POMT1: variants seen among roughly 807,000 people sequenced by gnomAD.
POMT1 encodes protein O-mannosyltransferase 1.
In POMT1, 85 loss-of-function variants were observed where a neutral mutation model predicts 101.6. That is an observed-to-expected ratio of 0.84 (90% confidence interval 0.70 to 1.00). POMT1 has a LOEUF of 1.00. POMT1 is among the 50% of genes least tolerant of loss of function. The pLI is 0.00. For synonymous variants in POMT1, 371 were observed against 383.0 expected (o/e 0.97, Z 0.37); for missense variants, 857 against 930.4 (o/e 0.92, Z 1.03).
In POMT1 at chr9:131,522,970, T is replaced by C; in HGVS notation, c.2042T>C (p.Val681Ala). 6.2e-7 allele frequency: 1 copy of C among 1,602,450 alleles called. No individual in the cohort carries two copies. The change falls in exon 20 of 20, where the codon GTG (valine) becomes GCG (alanine). Residue 681 changes from valine (V) to alanine (A), a missense_variant. By Grantham distance (64) the Val-to-Ala change is moderately conservative. Transcript: ENST00000402686. This position sits in a 1 kb window ranked among gnomAD's most constrained non-coding sequence, Gnocchi z 5.5. ...AGGAGCATCTTCAGCGCCCTGGTGG[T>C]GGCCTGGTACTCCTCCGCGTGCCAC... The part of the protein sequence containing the change: ...LQRSIFSALV[V>A]AWYSSACHVS...
At chr9:131,521,049 G>T (rs1949823564) in intron 17 of POMT1, 1 of 425,314 alleles carries the variant, frequency 2.4e-6, no homozygotes, top group Admixed American at 3.5e-5. Flanking sequence ...CGCCACGTTG[G>T]GCAGGCTGGT....
chr9:131,509,035 G>A lies in POMT1; in HGVS notation c.539+13G>A, dbSNP rs749842555. 3 of 1,559,052 alleles carry A rather than the reference G, an allele frequency of 1.9e-6. No individual in the cohort carries two copies. The South Asian group carries it at 3.3e-5, about 17-fold the overall frequency. Reference sequence around the variant, plus strand: ...GCCAAAAGCACAGGTATGGAAAATGGAGTGTCTTCCTAGTTAACGAGAACA... The same window carrying A: ...GCCAAAAGCACAGGTATGGAAAATGAAGTGTCTTCCTAGTTAACGAGAACA... On this transcript the variant is annotated intron_variant, in intron 6 of 19. Coordinates refer to ENST00000402686, the MANE Select transcript of POMT1 (RefSeq NM_001077365.2).
At position 131,523,336 on chromosome 9, in the gene POMT1, C is replaced by A; in HGVS notation, c.*230C>A. 3.5e-6 allele frequency: 2 copies of A among 566,094 alleles called. No individual in the cohort carries two copies. Among genetic ancestry groups the A allele is most frequent in the East Asian group, 3.2e-5 (1 of 31,284 alleles). The allele number at this position is 566,094 out of a possible 1,614,324, so 35.1% of individuals were successfully genotyped here. A position where few individuals can be genotyped will look rare whatever the true frequency, so the allele number is the denominator to read the frequency against. On this transcript the variant is annotated 3_prime_UTR_variant, in exon 20 of 20. Coordinates refer to ENST00000402686, the MANE Select transcript of POMT1 (RefSeq NM_001077365.2). ...AATAAAGATATTCCGTGTCTTTACC[C>A]CTGAACTAAGACACAGGGAGTATTT...
At chr9:131,513,214 G>T in intron 11 of POMT1, 25 bp from the exon 12 acceptor site, 1 of 1,603,722 alleles carries the variant, frequency 6.2e-7, no homozygotes, top group Non-Finnish European at 8.5e-7. Flanking sequence ...GCTCTGTGTG[G>T]TCCCGACAGC....
chr9:131,512,517 C>G (rs1947339112), intron 11 of POMT1, among the ~76,000 whole-genome samples: 1 of 152,200 alleles, frequency 6.6e-6, no homozygotes, highest in South Asian at 2.1e-4. Context: ...CAAACAAGGT[C>G]TCTAGCTGTC....
In POMT1 at chr9:131,513,340, G is replaced by A. The variant is rs1158847302; in HGVS notation, c.1175+9G>A. 1 of 1,608,556 alleles carries A rather than the reference G, an allele frequency of 6.2e-7. No homozygotes were observed. Among genetic ancestry groups the A allele is most frequent in the Admixed American group, 1.7e-5 (1 of 59,802 alleles). ...ACCCGCTCCCTGAACACGTGAGTGT[G>A]CCCGCCGTCTGCTCTGCTGCACCTG... On this transcript the variant is annotated intron_variant, in intron 12 of 19. Coordinates refer to ENST00000402686, the MANE Select transcript of POMT1 (RefSeq NM_001077365.2).
At chr9:131,507,775 G>A (rs765973088) in intron 5 of POMT1, among the ~76,000 whole-genome samples, 4 of 152,164 alleles carry the variant, frequency 2.6e-5, no homozygotes, top group Non-Finnish European at 5.9e-5. Flanking sequence ...ATGCACACGT[G>A]GGCACCTCCA....
At position 131,522,919 on chromosome 9, in the gene POMT1, C is replaced by T. The variant is rs767947844; in HGVS notation, c.2004-13C>T. ...GTCAGCCACCCTCCCCCACGCTGCTCTGACCTCTGCAGGTCCCAGCTCCAG... is the reference window on the plus strand; with the variant it reads ...GTCAGCCACCCTCCCCCACGCTGCTTTGACCTCTGCAGGTCCCAGCTCCAG... On this transcript the variant is annotated splice_polypyrimidine_tract_variant and intron_variant, in intron 19 of 19. Transcript: ENST00000402686. This position sits in a 1 kb window ranked among gnomAD's most constrained non-coding sequence, Gnocchi z 5.5. 29 of 1,577,256 alleles carry T rather than the reference C, an allele frequency of 1.8e-5. No individual in the cohort carries two copies. The highest frequency in any genetic ancestry group is 2.4e-5 in the Non-Finnish European group (28 of 1,164,992).
At chr9:131,520,252 C>T in intron 17 of POMT1, 59 bp downstream of exon 17, 4 of 1,409,112 alleles carry the variant, frequency 2.8e-6, no homozygotes, top group Non-Finnish European at 4.0e-6. Flanking sequence ...TTGAGAATTC[C>T]TTGCATTAAG....
chr9:131,507,486 C>T lies in POMT1; in HGVS notation c.399C>T (p.Ala133=). 6.2e-7 allele frequency: 1 copy of T among 1,614,210 alleles called. No individual in the cohort carries two copies. Among genetic ancestry groups the T allele is most frequent in the Non-Finnish European group, 8.5e-7 (1 of 1,180,036 alleles). The change falls in exon 5 of 20, where the codon GCC becomes GCT. Residue 133 remains alanine, a synonymous_variant. Transcript: ENST00000402686. ...AGCTCCACTTTTCTCATTGTGCCGCCATGGGAGCTGCTCTGTTGATGCTTA... is the reference window on the plus strand; with the variant it reads ...AGCTCCACTTTTCTCATTGTGCCGCTATGGGAGCTGCTCTGTTGATGCTTA... ...VLELHFSHCA[A]MGAALLMLIE... is the part of the protein sequence containing the mutation.
At chr9:131,506,518 G>A in intron 4 of POMT1, 65 bp downstream of exon 4, 1 of 1,481,784 alleles carries the variant, frequency 6.7e-7, no homozygotes, top group Non-Finnish European at 9.4e-7. Flanking sequence ...TGTGACTTTT[G>A]TAAGGATTAA....
At chr9:131,515,375 C>T (rs1452121041) in intron 12 of POMT1, 51 bp from the exon 13 acceptor site, 2 of 1,561,234 alleles carry the variant, frequency 1.3e-6, no homozygotes, top group Admixed American at 1.7e-5. Flanking sequence ...TAGTAATTGC[C>T]TTCCAGAGGA....
intron 13 of POMT1, 131 bp downstream of exon 13, chr9:131,515,653 C>T (rs1948166890): frequency 2.4e-6 from 2 of 837,806 alleles, no homozygotes; most frequent in Non-Finnish European, 4.0e-6. Context: ...ACACGGAGCA[C>T]TTCCTCTAAC....
chr9:131,504,929 C>T (rs1391374343), intron 2 of POMT1, among the ~76,000 whole-genome samples: 2 of 152,090 alleles, frequency 1.3e-5, no homozygotes, highest in South Asian at 4.2e-4. Flanking sequence ...AGGTGCCCGC[C>T]ACCACACCCA....
chr9:131,509,706 A>G, intron 6 of POMT1, 37 bp from the exon 7 acceptor site: 1 of 1,614,166 alleles, frequency 6.2e-7, no homozygotes, highest in Non-Finnish European at 8.5e-7. Flanking sequence ...ATGTGTCTGA[A>G]CTATTTCTGT....
chr9:131,510,519 C>A, intron 9 of POMT1, 104 bp downstream of exon 9: 1 of 1,397,820 alleles, frequency 7.2e-7, no homozygotes, highest in Non-Finnish European at 9.9e-7. Context: ...TGAATCAAAA[C>A]ATGAAGAATC....
At chr9:131,518,604 C>T in intron 14 of POMT1, 67 bp downstream of exon 14, 1 of 1,479,246 alleles carries the variant, frequency 6.8e-7, no homozygotes. Context: ...CCAAGCCCCT[C>T]AGGCTTCACC....
At chr9:131,515,611 A>T in intron 13 of POMT1, 89 bp downstream of exon 13, 2 of 1,187,098 alleles carry the variant, frequency 1.7e-6, no homozygotes, top group Non-Finnish European at 2.5e-6. Context: ...GCACTCCCTA[A>T]CACAGAGCAC....
In POMT1 at chr9:131,507,292, G is replaced by T. The variant is rs1359938293; in HGVS notation, c.281-76G>T. ...GAGTCTGTGAACATGACGGCGCTAT[G>T]TGAAAGCATAGCTGCAGTACACAGA... is the stretch of plus-strand genomic sequence containing the variant. On this transcript the variant is annotated intron_variant, in intron 4 of 19. Transcript: ENST00000402686. 23 of 1,606,420 alleles carry T rather than the reference G, an allele frequency of 1.4e-5. No individual in the cohort carries two copies. The Admixed American group carries it at 3.8e-4, about 27-fold the overall frequency.
Sources: allele counts gnomAD v4.1 joint callset (sites outside exome capture counted in the v4.1 genomes callset), GRCh38; gene constraint gnomAD v4.1.1; non-coding constraint Gnocchi (gnomAD v3.1); transcripts MANE v1.5; gene names NCBI Gene and HGNC (gene_info 2026-07-23, HGNC 2026-07-21).